Variants in ZNF354A observed in about 807,000 individuals in gnomAD.
ZNF354A encodes the protein epididymis luminal protein 104.
ZNF354A carries 25 observed loss-of-function variants against 53.3 expected under a neutral mutation model. That is an observed-to-expected ratio of 0.47 (90% CI 0.34 to 0.66). ZNF354A has a LOEUF of 0.66. Among genes scored for constraint, ZNF354A ranks in the 30% least tolerant of loss-of-function variants. The pLI is 0.01. For synonymous variants in ZNF354A, 228 were observed against 249.0 expected, an observed-to-expected ratio of 0.92 and a Z score of 0.79; for missense variants, 586 against 716.8, an observed-to-expected ratio of 0.82 and a Z score of 2.08.
chr5:178,725,307 C>T (rs902485719), intron 4 of ZNF354A, 69 bp downstream of exon 4: 39 of 1,488,180 alleles, frequency 2.6e-5, no homozygotes, highest in South Asian at 1.1e-4. Flanking sequence ...TCCCAACCAA[C>T]GTTCCTACCT....
chr5:178,730,357 C>T lies in ZNF354A; in HGVS notation c.-52+199G>A, dbSNP rs564387601. On this transcript the variant is annotated intron_variant, in intron 1 of 4. Coordinates refer to ENST00000335815, the MANE Select transcript of ZNF354A (RefSeq NM_005649.3). ...GAAACGCCAGGCCCGGCGTCCACGG[C>T]GAGCCGGACGCGGGTGCACCAGCAA... Among the ~76,000 whole-genome samples, 35 of 152,142 alleles carry T rather than the reference C, an allele frequency of 2.3e-4. 2 individuals carry two copies. In the South Asian group the frequency reaches 4.3e-3, roughly 19 times the overall value.
At chr5:178,724,196 A>G (rs1480472617) in intron 4 of ZNF354A, among the ~76,000 whole-genome samples, 2 of 147,596 alleles carry the variant, frequency 1.4e-5, no homozygotes, top group Non-Finnish European at 3.0e-5. Flanking sequence ...GCCTCCCTCC[A>G]TGACTGCAAT....
At chr5:178,716,726 C>T (rs1765721311) in intron 4 of ZNF354A, among the ~76,000 whole-genome samples, 1 of 152,084 alleles carries the variant, frequency 6.6e-6, no homozygotes, top group Non-Finnish European at 1.5e-5. Flanking sequence ...GACTTAGGAA[C>T]AGCAGAGAGA....
At chr5:178,714,230 C>T (rs1489840936) in intron 4 of ZNF354A, among the ~76,000 whole-genome samples, 1 of 151,858 alleles carries the variant, frequency 6.6e-6, no homozygotes, top group Non-Finnish European at 1.5e-5. Flanking sequence ...GCCTTGAACT[C>T]CTGACCTCAA....
Position 178,729,862 on chromosome 5 carries a change from C to T in ZNF354A, c.-52+694G>A, listed in dbSNP as rs917993413. 2.8e-5 allele frequency among the ~76,000 whole-genome samples: 4 copies of T among 141,456 alleles called. No individual in the cohort carries two copies. In the South Asian group the frequency reaches 9.3e-4, roughly 33 times the overall value. 92.8% of individuals were successfully genotyped at this position (141,456 alleles called of 152,430 possible). On this transcript the variant is annotated intron_variant, in intron 1 of 4. Transcript: ENST00000335815. ...ACGCCCGACCCCATGTATCCCATTT[C>T]TAACACGATGTTTCTTTTTTGAGAC...
chr5:178,726,541 C>T lies in ZNF354A; in HGVS notation c.160+458G>A, dbSNP rs140543903. Among the ~76,000 whole-genome samples the T allele has an allele frequency of 2.6e-3, 394 of 152,182 alleles. 3 individuals are homozygous for T. Among genetic ancestry groups the T allele is most frequent in the African/African-American group, 8.6e-3 (357 of 41,520 alleles). On this transcript the variant is annotated intron_variant, in intron 3 of 4. Transcript: ENST00000335815. Reference sequence around the variant, plus strand: ...GGTCTCTATCTCTTGACCTCATGATCTGCCCGCCTTGGCCTCCCAAAGTGC... The same window carrying T: ...GGTCTCTATCTCTTGACCTCATGATTTGCCCGCCTTGGCCTCCCAAAGTGC...
At position 178,725,466 on chromosome 5, in the gene ZNF354A, G is replaced by A. The variant is rs757915258; in HGVS notation, c.166C>T (p.Pro56Ser). 6.2e-7 allele frequency: 1 copy of A among 1,613,994 alleles called. No homozygotes were observed. ...GAGATCACTTTTGGTTTGGTAAATG[G>A]GAGCCCTGCACATAAACAAAAAACC... ...NYRNLVSLGL[P>S]FTKPKVISLL... Residue 56 changes from proline to serine, a missense_variant, in exon 4 of 5, where the codon CCA becomes TCA. Coordinates refer to ENST00000335815, the MANE Select transcript of ZNF354A (RefSeq NM_005649.3).
At position 178,713,419 on chromosome 5, in the gene ZNF354A, G is replaced by A. The variant is rs77501345; in HGVS notation, c.459C>T (p.Pro153=). 8.4e-4 allele frequency: 1,360 copies of A among 1,613,148 alleles called. 12 individuals are homozygous for A. In the African/African-American group the frequency reaches 0.016, roughly 19 times the overall value. ...TATTTTTATGGCTTCTTTCTATAGT[G>A]GGGATTTTTTTGTGGGTGGCTGAAA... ...QIVSATHKKI[P]TIERSHKNTE... is the part of the protein sequence containing the mutation. Residue 153 remains proline, a synonymous_variant, in exon 5 of 5, where the codon CCC becomes CCT. Transcript: ENST00000335815.
In ZNF354A at chr5:178,712,335, T is replaced by G; in HGVS notation, c.1543A>C (p.Ile515Leu). ...CNSSLSNHQRIHTGEKPYRCE... is the reference protein window; with the variant it reads ...CNSSLSNHQRLHTGEKPYRCE... Reference sequence around the variant, plus strand: ...CGATATGGTTTCTCTCCAGTATGAATTCTCTGGTGATTACTAAGTGATGAG... The same window carrying G: ...CGATATGGTTTCTCTCCAGTATGAAGTCTCTGGTGATTACTAAGTGATGAG... Residue 515 changes from isoleucine to leucine, a missense_variant, in exon 5 of 5, where the codon ATT becomes CTT. This residue lies in a region of ZNF354A where 573 missense variants were observed against 680.1 expected (regional missense o/e 0.84). Coordinates refer to ENST00000335815, the MANE Select transcript of ZNF354A (RefSeq NM_005649.3). The G allele has an allele frequency of 6.2e-7, 1 of 1,614,172 alleles. No individual in the cohort carries two copies.
In ZNF354A at chr5:178,728,162, CCTCT is replaced by C. The variant is rs753799432; in HGVS notation, c.33+824_33+827del. On this transcript the variant is annotated intron_variant, in intron 2 of 4. Transcript: ENST00000335815. ...CGGCTGACTTCTACAAATTTTGTAT[CCTCT>C]CTGTGACTTTGTTTTTTCTTGTGTA... is the stretch of plus-strand genomic sequence containing the variant. Among the ~76,000 whole-genome samples the C allele has an allele frequency of 1.4e-4, 22 of 152,266 alleles. No individual in the cohort carries two copies. In the South Asian group the frequency reaches 1.7e-3, roughly 11 times the overall value.
intron 4 of ZNF354A, among the ~76,000 whole-genome samples, chr5:178,719,692 A>C (rs1765773406): frequency 6.6e-6 from 1 of 152,196 alleles, no homozygotes; most frequent in Admixed American, 6.5e-5. Flanking sequence ...TCACGCCTGT[A>C]ATCCCAGCAC....
chr5:178,728,318 T>C, intron 2 of ZNF354A, among the ~76,000 whole-genome samples: 1 of 152,230 alleles, frequency 6.6e-6, no homozygotes, highest in East Asian at 1.9e-4. Context: ...TGGATAGCGA[T>C]GATGGCTGCA....
chr5:178,726,752 T>G (rs1207588452), intron 3 of ZNF354A, among the ~76,000 whole-genome samples: 1 of 152,230 alleles, frequency 6.6e-6, no homozygotes, highest in Non-Finnish European at 1.5e-5. Context: ...TGGACAAACT[T>G]GGAGTGTGTG....
rs5873633 is a variant in ZNF354A at position 178,717,077 on chromosome 5, C to CAAAAAAAA, written c.257-3464_257-3457dup. Among the ~76,000 whole-genome samples the CAAAAAAAA allele has an allele frequency of 6.1e-5, 4 of 65,496 alleles. No homozygotes were observed. In the East Asian group the frequency reaches 1.2e-3, roughly 20 times the overall value. 43.0% of individuals were successfully genotyped at this position (65,496 alleles called of 152,430 possible). On this transcript the variant is annotated intron_variant, in intron 4 of 4. Coordinates refer to ENST00000335815, the MANE Select transcript of ZNF354A (RefSeq NM_005649.3). ...TGGGCGACAGAGTGAGACTCCATCT[C>CAAAAAAAA]AAAAAAAAAAAAAAAAAAAGTAAAC... is the stretch of plus-strand genomic sequence containing the variant.
intron 4 of ZNF354A, among the ~76,000 whole-genome samples, chr5:178,719,109 CT>C (rs1765763678): frequency 1.3e-5 from 2 of 152,184 alleles, no homozygotes; most frequent in African/African-American, 4.8e-5. Context: ...GGATTTACCC[CT>C]CTTAATACAC....
At position 178,717,266 on chromosome 5, in the gene ZNF354A, A is replaced by G. The variant is rs991761962; in HGVS notation, c.257-3645T>C. Among the ~76,000 whole-genome samples the G allele has an allele frequency of 8.6e-5, 13 of 151,968 alleles. 1 individual carries two copies. Among genetic ancestry groups the G allele is most frequent in the Admixed American group, 8.5e-4 (13 of 15,226 alleles). On this transcript the variant is annotated intron_variant, in intron 4 of 4. Coordinates refer to ENST00000335815, the MANE Select transcript of ZNF354A (RefSeq NM_005649.3). ...ACCGACTACGCTGGGGCACCAGTGG[A>G]AGCAGGGAGGGGAGAGGCTACTGAA...
In ZNF354A at chr5:178,713,136, A is replaced by C; in HGVS notation, c.742T>G (p.Ser248Ala). ...GEKLFKCKEC[S>A]KAFSQSSALI... ...GCTGAACTTTGGCTAAAGGCTTTTG[A>C]ACATTCTTTACACTTAAATAGTTTC... The change falls in exon 5 of 5, where the codon TCA becomes GCA. Residue 248 changes from serine (S) to alanine (A), a missense_variant. Coordinates refer to ENST00000335815, the MANE Select transcript of ZNF354A (RefSeq NM_005649.3). 6 of 1,614,126 alleles carry C rather than the reference A, an allele frequency of 3.7e-6. No homozygotes were observed. The highest frequency in any genetic ancestry group is 3.4e-6 in the Non-Finnish European group (4 of 1,180,012).
In ZNF354A at chr5:178,713,621, C is replaced by A. The variant is rs201001659; in HGVS notation, c.257G>T (p.Gly86Val). The part of the protein sequence containing the change: ...EKDGSGVSSL[G>V]SKSSHKTTKS... ...TGTGGTTTTATGACTGCTCTTCGAT[C>A]CTGGAGGGAAAAAAAAAATCAAAAA... The change falls in exon 5 of 5, where the codon GGA becomes GTA. Residue 86 changes from glycine (G) to valine (V), a missense_variant and splice_region_variant. Around this residue, in one of 2 missense-constraint regions of ZNF354A, gnomAD observed 573 missense variants for 680.1 expected, o/e 0.84. Coordinates refer to ENST00000335815, the MANE Select transcript of ZNF354A (RefSeq NM_005649.3). 1.3e-6 allele frequency: 2 copies of A among 1,539,938 alleles called. No individual in the cohort carries two copies. The highest frequency in any genetic ancestry group is 1.7e-6 in the Non-Finnish European group (2 of 1,154,166).
At chr5:178,721,848 T>A (rs1370945973) in intron 4 of ZNF354A, among the ~76,000 whole-genome samples, 2 of 152,188 alleles carry the variant, frequency 1.3e-5, no homozygotes, top group African/African-American at 4.8e-5. Context: ...ACACTCACGA[T>A]TCTTCCCTCC....
Sources: allele counts gnomAD v4.1 joint callset (sites outside exome capture counted in the v4.1 genomes callset), GRCh38; gene constraint gnomAD v4.1.1; regional missense constraint gnomAD v4.1.1; transcripts MANE v1.5; gene names NCBI Gene and HGNC (gene_info 2026-07-23, HGNC 2026-07-21).